The following MS4A18 variants were observed in gnomAD, a reference collection of about 807,000 sequenced individuals.
MS4A18 encodes membrane-spanning 4-domains subfamily A member 18.
A neutral mutation model predicts 13.1 loss-of-function variants in MS4A18; 27 were observed. The ratio of observed to expected loss-of-function variants is 2.06; its 90% CI spans 1.52 to 2.84. The LOEUF is 2.84. MS4A18 is among the 30% of genes most tolerant of loss of function. The pLI is 0.00. For missense variants in MS4A18, 307 were observed against 196.4 expected (o/e 1.56, Z -3.37); for synonymous variants, 126 against 76.5 (o/e 1.65, Z -3.38).
At position 60,739,003 on chromosome 11, in the gene MS4A18, C is replaced by T. The variant is rs565647113; in HGVS notation, c.744+6C>T. ...TGAGCCTTTACTATGTGACGGTGAGCATCTGACTGCCAGGGCCCCGTGCTG... is the reference window on the plus strand; with the variant it reads ...TGAGCCTTTACTATGTGACGGTGAGTATCTGACTGCCAGGGCCCCGTGCTG... On this transcript the variant is annotated splice_donor_region_variant and intron_variant, in intron 4 of 5. Coordinates refer to ENST00000529108, the Ensembl canonical transcript of MS4A18. The T allele has an allele frequency of 1.6e-5, 11 of 702,936 alleles. No individual in the cohort carries two copies. The Admixed American group carries it at 1.6e-4, about 10-fold the overall frequency. 43.5% of individuals were successfully genotyped at this position (702,936 alleles called of 1,614,324 possible). A position where few individuals can be genotyped will look rare whatever the true frequency, so the allele number is the denominator to read the frequency against.
At chr11:60,729,436 A>G (rs750501648) in exon 1 of MS4A18, 10 of 702,696 alleles carry the variant, frequency 1.4e-5, no homozygotes, top group African/African-American at 3.5e-5. Context: ...TTCAGAGGTG[A>G]CCACTTACCC....
chr11:60,733,530 G>T lies in MS4A18; in HGVS notation c.478-4G>T. The stretch of plus-strand genomic sequence containing the variant: ...TCTCTCACAGTGACTTGTTCTCCCT[G>T]CAGGCCATCCAGATCCTCATCGGCC... On this transcript the variant is annotated splice_polypyrimidine_tract_variant and splice_region_variant and intron_variant, in intron 1 of 5. Coordinates refer to ENST00000529108, the Ensembl canonical transcript of MS4A18. The T allele has an allele frequency of 1.4e-6, 1 of 703,206 alleles. No homozygotes were observed. The highest frequency in any genetic ancestry group is 2.6e-6 in the Non-Finnish European group (1 of 385,032). The allele number at this position is 703,206 out of a possible 1,614,324, so 43.6% of individuals were successfully genotyped here.
chr11:60,731,605 T>C (rs938386782), intron 1 of MS4A18, among the ~76,000 whole-genome samples: 1 of 152,244 alleles, frequency 6.6e-6, no homozygotes, highest in African/African-American at 2.4e-5. Flanking sequence ...ATTCTATTTA[T>C]AGCATTCTGT....
At chr11:60,727,208 T>C (rs191675322), upstream of MS4A18, among the ~76,000 whole-genome samples, 11 of 152,314 alleles carry the variant, frequency 7.2e-5, no homozygotes, top group Admixed American at 3.9e-4. Context: ...ACAATGGCCC[T>C]TCTCTTATGG....
chr11:60,733,571 C>G (rs1444218066), exon 2 of MS4A18: 2 of 703,368 alleles, frequency 2.8e-6, no homozygotes, highest in Non-Finnish European at 5.2e-6. Context: ...CACATTTTCT[C>G]TGCAATTAAC....
At position 60,733,606 on chromosome 11, in the gene MS4A18, GT is replaced by G. The variant is rs1853289726; in HGVS notation, c.551del (p.Val184GlyfsTer34). ...CCCTGTGCTGTATTACTATCCTTTT[GT>G]GACCTGGTTGTCAGGGTACCCGCTC... is the stretch of plus-strand genomic sequence containing the variant. On this transcript the variant is annotated frameshift_variant, in exon 2 of 6. Transcript: ENST00000529108. LOFTEE classifies it high-confidence loss of function. The G allele has an allele frequency of 1.4e-6, 1 of 703,500 alleles. No individual in the cohort carries two copies. The highest frequency in any genetic ancestry group is 1.7e-5 in the African/African-American group (1 of 57,258). 43.6% of individuals were successfully genotyped at this position (703,500 alleles called of 1,614,324 possible).
At chr11:60,733,900 A>G (rs1273903169) in intron 2 of MS4A18, among the ~76,000 whole-genome samples, 1 of 149,144 alleles carries the variant, frequency 6.7e-6, no homozygotes, top group African/African-American at 2.5e-5. Flanking sequence ...AACACTCATT[A>G]TCATGTTCTT....
Position 60,731,197 on chromosome 11 carries a change from C to T in MS4A18, c.477+1405C>T, listed in dbSNP as rs905495436. On this transcript the variant is annotated intron_variant, in intron 1 of 5. Coordinates refer to ENST00000529108, the Ensembl canonical transcript of MS4A18. Reference sequence around the variant, plus strand: ...AAGGTAAAGCTGGTCTATGATATTGCGTAGTAATTATCATCTTGTATTACA... The same window carrying T: ...AAGGTAAAGCTGGTCTATGATATTGTGTAGTAATTATCATCTTGTATTACA... Among the ~76,000 whole-genome samples the T allele has an allele frequency of 6.8e-4, 104 of 152,208 alleles. 1 individual carries two copies. The highest frequency in any genetic ancestry group is 1.3e-3 in the Non-Finnish European group (86 of 68,028).
intron 1 of MS4A18, among the ~76,000 whole-genome samples, chr11:60,731,648 A>T (rs888725247): frequency 1.3e-5 from 2 of 152,260 alleles, no homozygotes; most frequent in African/African-American, 4.8e-5. Context: ...TACAAAATAC[A>T]GTAATTCTCG....
At chr11:60,728,925 G>A (rs868202207), upstream of MS4A18, among the ~76,000 whole-genome samples, 5 of 152,246 alleles carry the variant, frequency 3.3e-5, no homozygotes, top group Middle Eastern at 3.4e-3. Context: ...GAGCATTTGG[G>A]GTCAGTTGTT....
chr11:60,728,499 C>CTG, upstream of MS4A18, among the ~76,000 whole-genome samples: 1 of 149,206 alleles, frequency 6.7e-6, no homozygotes, highest in African/African-American at 2.5e-5. Flanking sequence ...CCTTCCCTCT[C>CTG]TCTGTGTGTG....
chr11:60,726,890 A>G (rs1853169590), upstream of MS4A18, among the ~76,000 whole-genome samples: 1 of 151,784 alleles, frequency 6.6e-6, no homozygotes, highest in Non-Finnish European at 1.5e-5. Flanking sequence ...TAAGCCCCAC[A>G]TGCATTAGGT....
At chr11:60,740,679 G>A (rs1401950212) in intron 4 of MS4A18, among the ~76,000 whole-genome samples, 2 of 152,194 alleles carry the variant, frequency 1.3e-5, no homozygotes, top group Non-Finnish European at 2.9e-5. Context: ...AGGGGTAAGA[G>A]AGCTGGGGTA....
upstream of MS4A18, among the ~76,000 whole-genome samples, chr11:60,724,818 G>A (rs765758997): frequency 1.5e-4 from 23 of 152,148 alleles, no homozygotes; most frequent in African/African-American, 2.2e-4. Flanking sequence ...GAATTCTTCC[G>A]CAAGACTCTG....
chr11:60,743,122 T>C (rs1471464450), intron 5 of MS4A18, among the ~76,000 whole-genome samples: 1 of 152,262 alleles, frequency 6.6e-6, no homozygotes, highest in East Asian at 1.9e-4. Context: ...GGATTATTGT[T>C]ATCTTACTTC....
upstream of MS4A18, among the ~76,000 whole-genome samples, chr11:60,728,380 G>A (rs1853195247): frequency 6.6e-6 from 1 of 151,804 alleles, no homozygotes; most frequent in African/African-American, 2.4e-5. Context: ...GACCAAGGTA[G>A]TATCTGTGTG....
At chr11:60,739,476 T>C (rs1322488380) in intron 4 of MS4A18, among the ~76,000 whole-genome samples, 1 of 152,090 alleles carries the variant, frequency 6.6e-6, no homozygotes, top group Non-Finnish European at 1.5e-5. Context: ...GAAACCTCAC[T>C]AGAGGAGGGA....
chr11:60,730,781 A>G (rs1341193458), intron 1 of MS4A18, among the ~76,000 whole-genome samples: 1 of 152,210 alleles, frequency 6.6e-6, no homozygotes, highest in Non-Finnish European at 1.5e-5. Flanking sequence ...TAAATTCTAT[A>G]AAACAGCAAT....
rs188348276 is a variant in MS4A18 at position 60,738,301 on chromosome 11, G to A, written c.649-601G>A. 1.2e-3 allele frequency among the ~76,000 whole-genome samples: 186 copies of A among 152,250 alleles called. 1 individual carries two copies. Among genetic ancestry groups the A allele is most frequent in the African/African-American group, 4.3e-3 (180 of 41,536 alleles). ...TCAAAGTTGAATATGAGAATTTCCG[G>A]TTCTGAAAACCTTCCCCAGCCAATC... On this transcript the variant is annotated intron_variant, in intron 3 of 5. Transcript: ENST00000529108.
Sources: gnomAD v4.1 joint callset for allele counts (sites outside exome capture counted in the v4.1 genomes callset) on GRCh38, gnomAD v4.1.1 for gene constraint, MANE v1.5 for transcripts, NCBI Gene and HGNC (gene_info 2026-07-23, HGNC 2026-07-21) for gene names.